Variants in ZNF343 observed in about 807,000 individuals in gnomAD.
ZNF343 encodes zinc finger protein 343.
ZNF343 carries 11 observed loss-of-function variants against 13.8 expected under a neutral mutation model. The ratio of observed to expected loss-of-function variants is 0.80; its 90% confidence interval spans 0.50 to 1.32. The LOEUF is 1.32. ZNF343 is among the 40% of genes most tolerant of loss of function. ZNF343 has a pLI of 0.00. For synonymous variants in ZNF343, 248 were observed against 260.0 expected (o/e 0.95, Z 0.44); for missense variants, 658 against 714.2 (o/e 0.92, Z 0.90).
At chr20:2,503,457 A>T (rs1209742654) in intron 1 of ZNF343, among the ~76,000 whole-genome samples, 1 of 152,220 alleles carries the variant, frequency 6.6e-6, no homozygotes, top group Non-Finnish European at 1.5e-5. Flanking sequence ...CACCAAGCAG[A>T]CCTAATAGAC....
At chr20:2,496,003 T>C (rs1347064790) in intron 2 of ZNF343, among the ~76,000 whole-genome samples, 1 of 152,138 alleles carries the variant, frequency 6.6e-6, no homozygotes, top group South Asian at 2.1e-4. Context: ...TTCCAACATT[T>C]GGGACACTGC....
chr20:2,514,865 C>A (rs1295205347), intron 1 of ZNF343, among the ~76,000 whole-genome samples: 1 of 151,882 alleles, frequency 6.6e-6, no homozygotes, highest in Non-Finnish European at 1.5e-5. Context: ...GGCATGCACC[C>A]ATAGTCCCAG....
intron 5 of ZNF343, among the ~76,000 whole-genome samples, chr20:2,489,716 T>G (rs1359056288): frequency 1.3e-5 from 2 of 152,230 alleles, no homozygotes; most frequent in African/African-American, 4.8e-5. Flanking sequence ...TTGGGGTTGT[T>G]TATCACAGTA....
intron 5 of ZNF343, among the ~76,000 whole-genome samples, chr20:2,488,183 T>G (rs2122570870): frequency 6.6e-6 from 1 of 152,282 alleles, no homozygotes; most frequent in South Asian, 2.1e-4. Flanking sequence ...TAGCCAAATT[T>G]AGAAAACCTT....
chr20:2,492,981 T>C (rs2085391880), intron 4 of ZNF343, 156 bp from the exon 5 acceptor site: 2 of 1,015,908 alleles, frequency 2.0e-6, no homozygotes, highest in South Asian at 1.6e-5. Context: ...AGCACTACTG[T>C]CTGCCTGGCT....
Position 2,507,178 on chromosome 20 carries a change from C to T in ZNF343, c.-237+1703G>A, listed in dbSNP as rs551851362. On this transcript the variant is annotated intron_variant, in intron 1 of 5. Transcript: ENST00000278772. ...ACTCGGGATGCTGAGACAGAAGAATCGCTTGAACCCGGGAGGTGGAGGTTG... is the reference window on the plus strand; with the variant it reads ...ACTCGGGATGCTGAGACAGAAGAATTGCTTGAACCCGGGAGGTGGAGGTTG... 9.9e-5 allele frequency among the ~76,000 whole-genome samples: 15 copies of T among 151,068 alleles called. No individual in the cohort carries two copies. The South Asian group carries it at 2.7e-3, about 27-fold the overall frequency.
rs768116838 is a variant in ZNF343 at position 2,483,427 on chromosome 20, G to A, written c.1534C>T (p.Gln512Ter). The A allele has an allele frequency of 9.3e-6, 15 of 1,610,530 alleles. No homozygotes were observed. The highest frequency in any genetic ancestry group is 5.1e-5 in the Admixed American group (3 of 59,358). The change falls in exon 6 of 6, where the codon CAG (glutamine) becomes TAG (stop). Residue 512 changes from glutamine to a stop codon, truncating the protein, a stop_gained. Coordinates refer to ENST00000278772, the MANE Select transcript of ZNF343 (RefSeq NM_024325.6). LOFTEE classifies it low-confidence loss of function (END_TRUNC). ...GGCTTCTCATTTGAGTGCGTCCTCT[G>A]GTGTCTGATGAGATTTGACTTCTGG... ...FSQKSNLIRH[Q>*]RTHSNEKPYI...
At chr20:2,504,831 C>A (rs1162544629) in intron 1 of ZNF343, among the ~76,000 whole-genome samples, 8 of 152,052 alleles carry the variant, frequency 5.3e-5, no homozygotes, top group Non-Finnish European at 1.0e-4. Context: ...AATGACAAAC[C>A]CACAGCCAAT....
intron 5 of ZNF343, among the ~76,000 whole-genome samples, chr20:2,487,966 G>A (rs750606916): frequency 2.0e-4 from 31 of 152,130 alleles, no homozygotes; most frequent in Non-Finnish European, 3.7e-4. Context: ...TTTGTGAATC[G>A]TCTATTTAGG....
intron 5 of ZNF343, 58 bp from the exon 6 acceptor site, chr20:2,484,714 G>T (rs775803933): frequency 5.4e-6 from 8 of 1,490,248 alleles, no homozygotes; most frequent in Non-Finnish European, 6.3e-6. Context: ...GAGTTGTTCT[G>T]CCTTGTCTTA....
chr20:2,508,072 A>G lies in ZNF343; in HGVS notation c.-237+809T>C, dbSNP rs1397577435. ...ACAAAGCACAGGGGGCACCTCCCAC[A>G]TGACACACCTTGAGACAACAGGTCC... On this transcript the variant is annotated intron_variant, in intron 1 of 5. Coordinates refer to ENST00000278772, the MANE Select transcript of ZNF343 (RefSeq NM_024325.6). The surrounding 1 kb of genome is among the most constrained non-coding windows in gnomAD (Gnocchi z 4.5). 6.6e-6 allele frequency among the ~76,000 whole-genome samples: 1 copy of G among 152,020 alleles called. No homozygotes were observed. Among genetic ancestry groups the G allele is most frequent in the Admixed American group, 6.6e-5 (1 of 15,256 alleles).
intron 2 of ZNF343, among the ~76,000 whole-genome samples, chr20:2,495,684 CT>C (rs776678618): frequency 0.35 from 48,184 of 136,432 alleles, 7,669 homozygotes; most frequent in Non-Finnish European, 0.43. Context: ...TTTCTTTTTT[CT>C]TTTTTTTTTT....
chr20:2,517,864 A>T (rs1372375210), intron 1 of ZNF343, among the ~76,000 whole-genome samples: 1 of 152,082 alleles, frequency 6.6e-6, no homozygotes, highest in Non-Finnish European at 1.5e-5. Context: ...TAATAATAAT[A>T]ATAATAAAAG....
intron 1 of ZNF343, among the ~76,000 whole-genome samples, chr20:2,515,264 T>C (rs2085754555): frequency 6.6e-6 from 1 of 151,588 alleles, no homozygotes; most frequent in East Asian, 1.9e-4. Context: ...GAGCTATTTA[T>C]GATATTTGTG....
intron 5 of ZNF343, 84 bp from the exon 6 acceptor site, chr20:2,484,740 TACTGCCATGCCTATAATTGATAA>T: frequency 8.0e-7 from 1 of 1,246,616 alleles, no homozygotes; most frequent in Non-Finnish European, 1.1e-6. Context: ...GAGAATGTTT[TACTGCCATGCCTATAATTGATAA>T]TATAAGTATA....
intron 1 of ZNF343, among the ~76,000 whole-genome samples, chr20:2,520,864 T>C (rs1354309518): frequency 6.6e-6 from 1 of 152,092 alleles, no homozygotes; most frequent in Non-Finnish European, 1.5e-5. Context: ...ACTTGGACTC[T>C]GAAACAAAAA....
intron 1 of ZNF343, among the ~76,000 whole-genome samples, chr20:2,519,768 C>A (rs74949542): frequency 1.4e-4 from 21 of 152,284 alleles, no homozygotes; most frequent in African/African-American, 5.1e-4. Context: ...TGAACCTGGA[C>A]CTGAACCTTA....
At position 2,484,182 on chromosome 20, in the gene ZNF343, G is replaced by A. The variant is rs75847265; in HGVS notation, c.779C>T (p.Pro260Leu). 1,318 of 1,614,156 alleles carry A rather than the reference G, an allele frequency of 8.2e-4. 9 individuals carry two copies. The African/African-American group carries it at 0.015, about 19-fold the overall frequency. The change falls in exon 6 of 6, where the codon CCG becomes CTG. Residue 260 changes from proline (P) to leucine (L), a missense_variant. Transcript: ENST00000278772. Reference sequence around the variant, plus strand: ...GGGCTTCTTCCCTAAGAGGGTCCTCGGGTTTGTAATAAAGTTTGATTCCAG... The same window carrying A: ...GGGCTTCTTCCCTAAGAGGGTCCTCAGGTTTGTAATAAAGTTTGATTCCAG... Reference protein sequence around the residue: ...HNLESNFITNPRTLLGKKPYI... With the variant: ...HNLESNFITNLRTLLGKKPYI...
chr20:2,511,877 T>C (rs2085740638), upstream of ZNF343, among the ~76,000 whole-genome samples: 1 of 152,184 alleles, frequency 6.6e-6, no homozygotes, highest in Admixed American at 6.5e-5. Context: ...ATGCTTACTT[T>C]TGCCACTTCT....
Sources: allele counts gnomAD v4.1 joint callset (sites outside exome capture counted in the v4.1 genomes callset), GRCh38; gene constraint gnomAD v4.1.1; non-coding constraint Gnocchi (gnomAD v3.1); transcripts MANE v1.5; gene names NCBI Gene and HGNC (gene_info 2026-07-23, HGNC 2026-07-21).